KRT73: variants seen among roughly 807,000 people sequenced by gnomAD.
KRT73 encodes the protein keratin, type II cytoskeletal 73.
A neutral mutation model predicts 47.2 loss-of-function variants in KRT73; 44 were observed. The ratio of observed to expected loss-of-function variants is 0.93; its 90% CI spans 0.73 to 1.20. The LOEUF (loss-of-function observed/expected upper bound fraction) is 1.20, where lower values mean the gene tolerates loss of function less well. Among genes scored for constraint, KRT73 ranks in the 50% most tolerant of loss-of-function variants. KRT73 has a pLI of 0.00. For missense variants in KRT73, 713 were observed against 704.5 expected, an observed-to-expected ratio of 1.01 and a Z score of -0.14; for synonymous variants, 285 against 291.3, an observed-to-expected ratio of 0.98 and a Z score of 0.22.
Position 52,613,723 on chromosome 12 carries a change from T to C in KRT73, c.949A>G (p.Ser317Gly), listed in dbSNP as rs751225305. Reference protein sequence around the residue: ...RAQYEEIARKSKAEAEALYQT... With the variant: ...RAQYEEIARKGKAEAEALYQT... The stretch of plus-strand genomic sequence containing the variant: ...TACAGGGCCTCGGCCTCGGCCTTGC[T>C]CTTCCGGGCGATCTCCTCATACTGG... Residue 317 changes from serine to glycine, a missense_variant, in exon 5 of 9, where the codon AGC becomes GGC. Transcript: ENST00000305748. The C allele has an allele frequency of 6.2e-7, 1 of 1,614,168 alleles. No homozygotes were observed. Among genetic ancestry groups the C allele is most frequent in the East Asian group, 2.2e-5 (1 of 44,890 alleles).
the KRT73 span, among the ~76,000 whole-genome samples, chr12:52,630,665 C>T: frequency 1.3e-5 from 2 of 152,146 alleles, no homozygotes; most frequent in Admixed American, 6.5e-5. Flanking sequence ...CAAAGGCTAC[C>T]ACTGCTGAGT....
At chr12:52,615,117 C>G in intron 3 of KRT73, 162 bp downstream of exon 3, 1 of 605,060 alleles carries the variant, frequency 1.7e-6, no homozygotes, top group Non-Finnish European at 3.0e-6. Context: ...GCTAAACCAA[C>G]ACCAGGTGTC....
chr12:52,619,866 G>C (rs941541986), upstream of KRT73, among the ~76,000 whole-genome samples: 1 of 152,132 alleles, frequency 6.6e-6, no homozygotes, highest in Non-Finnish European at 1.5e-5. Context: ...TCACTAGCTG[G>C]AGTACTTGAA....
Position 52,615,317 on chromosome 12 carries a change from G to A in KRT73, c.685C>T (p.Arg229Cys), listed in dbSNP as rs747491639. 16 of 1,613,928 alleles carry A rather than the reference G, an allele frequency of 9.9e-6. No individual in the cohort carries two copies. The highest frequency in any genetic ancestry group is 4.5e-5 in the East Asian group (2 of 44,866). The change falls in exon 3 of 9, where the codon CGC becomes TGC. Residue 229 changes from arginine (R) to cysteine (C), a missense_variant. Transcript: ENST00000305748. ...KKRYEEEINK[R>C]TTAENEFVVL... Reference sequence around the variant, plus strand: ...ACAAATTCATTCTCAGCAGTTGTGCGCTTGTTTATTTCTTCTTCATACCTG... The same window carrying A: ...ACAAATTCATTCTCAGCAGTTGTGCACTTGTTTATTTCTTCTTCATACCTG...
At chr12:52,614,782 C>G in intron 3 of KRT73, 108 bp from the exon 4 acceptor site, 1 of 836,116 alleles carries the variant, frequency 1.2e-6, no homozygotes, top group South Asian at 1.8e-5. Flanking sequence ...CCCAGGACTT[C>G]AGATCCAAGG....
At chr12:52,625,472 T>C in the KRT73 span, among the ~76,000 whole-genome samples, 1 of 152,296 alleles carries the variant, frequency 6.6e-6, no homozygotes, top group African/African-American at 2.4e-5. Flanking sequence ...TAAATAAGAC[T>C]TAGTGGCAAC....
chr12:52,615,586 G>A (rs1940798845), intron 2 of KRT73, among the ~76,000 whole-genome samples: 1 of 152,076 alleles, frequency 6.6e-6, no homozygotes, highest in Non-Finnish European at 1.5e-5. Context: ...GGAGTGAGTA[G>A]GTTCTTCCTC....
At chr12:52,627,887 A>T in the KRT73 span, among the ~76,000 whole-genome samples, 1 of 150,422 alleles carries the variant, frequency 6.6e-6, no homozygotes, top group African/African-American at 2.5e-5. Context: ...CCAAGCAAGG[A>T]TAGAACAGAA....
the KRT73 span, among the ~76,000 whole-genome samples, chr12:52,630,308 C>T: frequency 6.6e-6 from 1 of 152,224 alleles, no homozygotes; most frequent in Non-Finnish European, 1.5e-5. Flanking sequence ...TATCCTGTCT[C>T]CTCTGGGTCA....
At chr12:52,622,323 ATT>A (rs1441339710), upstream of KRT73, among the ~76,000 whole-genome samples, 1 of 152,214 alleles carries the variant, frequency 6.6e-6, no homozygotes, top group Non-Finnish European at 1.5e-5. Flanking sequence ...AGTTTTATTT[ATT>A]TTTTATTTTT....
chr12:52,613,319 T>C (rs1940740204), intron 5 of KRT73: 1 of 184,912 alleles, frequency 5.4e-6, no homozygotes, highest in Admixed American at 5.4e-5. Flanking sequence ...GACCCCCTCA[T>C]TTATGATAAT....
At chr12:52,618,005 A>G (rs1278870439) in intron 1 of KRT73, 73 bp downstream of exon 1, 36 of 1,487,692 alleles carry the variant, frequency 2.4e-5, no homozygotes, top group Non-Finnish European at 3.3e-5. Flanking sequence ...ATTGAACCAC[A>G]AATTAGGGCA....
chr12:52,621,801 G>A (rs1940911488), upstream of KRT73, among the ~76,000 whole-genome samples: 2 of 152,118 alleles, frequency 1.3e-5, no homozygotes, highest in South Asian at 4.1e-4. Flanking sequence ...AGGCTATAAT[G>A]AGGTGCCCCA....
intron 4 of KRT73, 129 bp from the exon 5 acceptor site, chr12:52,613,981 G>A (rs1940759157): frequency 7.2e-7 from 1 of 1,398,280 alleles, no homozygotes; most frequent in Admixed American, 2.4e-5. Flanking sequence ...CCCAAAGCTT[G>A]TAAGAACAGA....
chr12:52,610,961 T>C (rs1036829827), intron 6 of KRT73, 126 bp from the exon 7 acceptor site: 2 of 941,412 alleles, frequency 2.1e-6, no homozygotes, highest in Admixed American at 5.1e-5. Flanking sequence ...CCCAGCCACA[T>C]CCAGGTGGAG....
chr12:52,614,991 T>C lies in KRT73; in HGVS notation c.723+288A>G, dbSNP rs2120873152. The C allele has an allele frequency of 3.8e-6, 2 of 528,774 alleles. 1 individual carries two copies. The highest frequency in any genetic ancestry group is 6.1e-5 in the South Asian group (2 of 32,924). 32.8% of individuals were successfully genotyped at this position (528,774 alleles called of 1,614,324 possible). On this transcript the variant is annotated intron_variant, in intron 3 of 8. Coordinates refer to ENST00000305748, the MANE Select transcript of KRT73 (RefSeq NM_175068.3). ...GGCGATTTGCCAGAAACTAGCAGAG[T>C]TGGAAGGCAAACCTGCAGCCCCTCC... is the stretch of plus-strand genomic sequence containing the variant.
the KRT73 span, among the ~76,000 whole-genome samples, chr12:52,627,264 T>A: frequency 2.3e-3 from 351 of 152,360 alleles, 2 homozygotes; most frequent in African/African-American, 8.1e-3. Flanking sequence ...TGTCTCACTA[T>A]ACTGTGCACC....
intron 1 of KRT73, 71 bp downstream of exon 1, chr12:52,618,007 A>C: frequency 6.7e-7 from 1 of 1,496,650 alleles, no homozygotes; most frequent in Non-Finnish European, 9.1e-7. Context: ...TGAACCACAA[A>C]TTAGGGCAGT....
At chr12:52,630,650 C>T in the KRT73 span, among the ~76,000 whole-genome samples, 2 of 152,138 alleles carry the variant, frequency 1.3e-5, no homozygotes, top group Admixed American at 6.5e-5. Context: ...CCACTCTCCC[C>T]CCTCCAAAGG....
Sources: gnomAD v4.1 joint callset for allele counts (sites outside exome capture counted in the v4.1 genomes callset) on GRCh38, gnomAD v4.1.1 for gene constraint, MANE v1.5 for transcripts, NCBI Gene and HGNC (gene_info 2026-07-23, HGNC 2026-07-21) for gene names.